AFAP1: variants seen among roughly 807,000 people sequenced by gnomAD.
The protein encoded by AFAP1 is actin filament-associated protein 1.
Under a neutral mutation model 93.9 loss-of-function variants are expected in AFAP1, and 75 were observed. The ratio of observed to expected loss-of-function variants is 0.80; its 90% CI spans 0.66 to 0.97. The LOEUF is 0.97. Among genes scored for constraint, AFAP1 ranks in the 50% least tolerant of loss-of-function variants. AFAP1 has a pLI of 0.00. For synonymous variants in AFAP1, 517 were observed against 430.7 expected, an observed-to-expected ratio of 1.20 and a Z score of -2.48; for missense variants, 1,201 against 1,050.8, an observed-to-expected ratio of 1.14 and a Z score of -1.98.
chr4:7,900,284 C>A (rs1476457523), intron 1 of AFAP1, among the ~76,000 whole-genome samples: 1 of 111,794 alleles, frequency 8.9e-6, no homozygotes, highest in Non-Finnish European at 2.0e-5. Context: ...AAATGAAACC[C>A]CCCCAAGAAT....
intron 17 of AFAP1, among the ~76,000 whole-genome samples, chr4:7,766,231 T>G (rs1714550654): frequency 6.6e-6 from 1 of 152,168 alleles, no homozygotes; most frequent in African/African-American, 2.4e-5. Context: ...GCTTCGTGCC[T>G]TCTTGCCCCT....
At chr4:7,832,670 T>TA (rs5855986) in intron 6 of AFAP1, among the ~76,000 whole-genome samples, 92,976 of 142,422 alleles carry the variant, frequency 0.65, 30,511 homozygotes, top group East Asian at 0.82. Flanking sequence ...ATTCATATGT[T>TA]AAAAAAAAAA....
intron 5 of AFAP1, among the ~76,000 whole-genome samples, chr4:7,840,968 T>A (rs960124753): frequency 2.6e-5 from 4 of 152,314 alleles, no homozygotes; most frequent in African/African-American, 4.8e-5. Context: ...AAACCCCACA[T>A]CTCAAACGCT....
chr4:7,823,174 C>T (rs912093313), intron 6 of AFAP1, among the ~76,000 whole-genome samples: 1 of 151,762 alleles, frequency 6.6e-6, no homozygotes, highest in Non-Finnish European at 1.5e-5. Flanking sequence ...AAGTTGTGCT[C>T]GTGTTCATGG....
intron 1 of AFAP1, among the ~76,000 whole-genome samples, chr4:7,891,906 T>C (rs1283909976): frequency 6.6e-6 from 1 of 151,826 alleles, no homozygotes; most frequent in African/African-American, 2.4e-5. Context: ...CAAAATAAAT[T>C]AGCTGGGTGT....
At chr4:7,885,829 T>A (rs545580090) in intron 1 of AFAP1, among the ~76,000 whole-genome samples, 1 of 152,178 alleles carries the variant, frequency 6.6e-6, no homozygotes, top group Non-Finnish European at 1.5e-5. Flanking sequence ...GAATTCCTTT[T>A]CTCGAGCAAG....
At chr4:7,858,880 T>C (rs1302492669) in intron 3 of AFAP1, among the ~76,000 whole-genome samples, 1 of 152,216 alleles carries the variant, frequency 6.6e-6, no homozygotes, top group Non-Finnish European at 1.5e-5. Flanking sequence ...AAGCCAACTT[T>C]ACCTCTTCCA....
At chr4:7,928,232 G>A (rs1259496551) in intron 1 of AFAP1, among the ~76,000 whole-genome samples, 1 of 152,122 alleles carries the variant, frequency 6.6e-6, no homozygotes, top group Non-Finnish European at 1.5e-5. Context: ...ACTCAATGAG[G>A]CCTGGGAGAA....
Position 7,866,020 on chromosome 4 carries a change from C to T in AFAP1, c.225+2602G>A, listed in dbSNP as rs527890337. ...CAAGCGATTCTCCTGCCTCAGCCTC[C>T]CAAGTAGCTGGGACTACGGGCACCC... On this transcript the variant is annotated intron_variant, in intron 3 of 17. Transcript: ENST00000420658. 4.8e-4 allele frequency among the ~76,000 whole-genome samples: 73 copies of T among 152,304 alleles called. 1 individual carries two copies. The highest frequency in any genetic ancestry group is 1.7e-3 in the African/African-American group (71 of 41,564).
At chr4:7,800,059 A>G (rs1377941652) in intron 10 of AFAP1, among the ~76,000 whole-genome samples, 2 of 152,256 alleles carry the variant, frequency 1.3e-5, no homozygotes, top group Non-Finnish European at 2.9e-5. Flanking sequence ...CCTGGGGGAA[A>G]GAGCTTTCCT....
intron 17 of AFAP1, among the ~76,000 whole-genome samples, chr4:7,767,052 C>T (rs146400400): frequency 1.8e-4 from 28 of 152,372 alleles, no homozygotes; most frequent in African/African-American, 6.7e-4. Context: ...TTCTCAGGGT[C>T]TACAGGCCCC....
At chr4:7,921,614 T>C (rs1243509317) in intron 1 of AFAP1, among the ~76,000 whole-genome samples, 5 of 152,174 alleles carry the variant, frequency 3.3e-5, no homozygotes, top group Non-Finnish European at 5.9e-5. Flanking sequence ...CGGAAGGGAA[T>C]CCAGCAATAC....
intron 10 of AFAP1, among the ~76,000 whole-genome samples, chr4:7,795,748 C>G (rs1025334796): frequency 3.9e-5 from 6 of 152,146 alleles, no homozygotes; most frequent in Non-Finnish European, 7.3e-5. Context: ...CATGATTAAT[C>G]TATACCTATG....
intron 4 of AFAP1, among the ~76,000 whole-genome samples, chr4:7,848,175 G>A (rs1713995693): frequency 2.7e-5 from 3 of 109,660 alleles, no homozygotes; most frequent in African/African-American, 7.4e-5. Flanking sequence ...GGGAGGGAGG[G>A]AGGGAGGGAG....
intron 4 of AFAP1, among the ~76,000 whole-genome samples, chr4:7,850,348 C>G (rs1714294071): frequency 6.6e-6 from 1 of 152,138 alleles, no homozygotes; most frequent in African/African-American, 2.4e-5. Flanking sequence ...ACACCAGCAG[C>G]ATTACATAAT....
chr4:7,843,695 A>T, intron 4 of AFAP1: 1 of 225,198 alleles, frequency 4.4e-6, no homozygotes, highest in Non-Finnish European at 8.9e-6. Flanking sequence ...GTGTTCCGCC[A>T]TACAGAACTC....
chr4:7,793,707 G>C lies in AFAP1; in HGVS notation c.1386C>G (p.Val462=), dbSNP rs1308524780. The change falls in exon 11 of 18, where the codon GTC becomes GTG. Residue 462 remains valine, a synonymous_variant. Transcript: ENST00000420658. ...AGAAGGTCTGTTTGGCTGTCTGAATGACACTTGCAGACATCTCCACATCAA... is the reference window on the plus strand; with the variant it reads ...AGAAGGTCTGTTTGGCTGTCTGAATCACACTTGCAGACATCTCCACATCAA... ...DYIDVEMSAS[V]IQTAKQTFCF... 6.4e-7 allele frequency: 1 copy of C among 1,557,574 alleles called. No homozygotes were observed. The highest frequency in any genetic ancestry group is 1.7e-5 in the Admixed American group (1 of 59,280).
intron 9 of AFAP1, 80 bp from the exon 10 acceptor site, chr4:7,800,733 G>A (rs1265450247): frequency 5.0e-6 from 7 of 1,397,308 alleles, no homozygotes; most frequent in South Asian, 2.4e-5. Context: ...ACACTGAGGA[G>A]GCCCAGGGAT....
At chr4:7,768,749 GGAA>G (rs1399452235) in intron 17 of AFAP1, 92 bp downstream of exon 17, 26 of 1,394,610 alleles carry the variant, frequency 1.9e-5, no homozygotes, top group South Asian at 1.3e-4. Context: ...GGATGCAGTA[GGAA>G]GAAGAATGGG....
Sources: gnomAD v4.1 joint callset for allele counts (sites outside exome capture counted in the v4.1 genomes callset) on GRCh38, gnomAD v4.1.1 for gene constraint, MANE v1.5 for transcripts, NCBI Gene and HGNC (gene_info 2026-07-23, HGNC 2026-07-21) for gene names.